FCN1: variants seen among roughly 807,000 people sequenced by gnomAD.
The protein encoded by FCN1 is ficolin 1, also known as ficolin-1.
FCN1 carries 42 observed loss-of-function variants against 35.6 expected under a neutral mutation model. That is an observed-to-expected ratio of 1.18 (90% CI 0.92 to 1.53). FCN1 has a LOEUF of 1.53. Ranked by LOEUF, FCN1 falls within the 40% of genes most tolerant of loss-of-function variation. The probability of loss-of-function intolerance (pLI) is 0.00; values close to 1 mark genes in which losing one functional copy is unlikely to be tolerated. For synonymous variants in FCN1, 179 were observed against 169.8 expected (o/e 1.05, Z -0.42); for missense variants, 439 against 428.4 (o/e 1.02, Z -0.22).
rs1410509007 is a variant in FCN1 at position 134,906,515 on chromosome 9, T to C, written c.*3283A>G. ...ATGAGAAAACCCTCCTTAGCACTAA[T>C]TAATCTTTAAAAATCTAATAATTTA... On this transcript the variant is annotated 3_prime_UTR_variant, in exon 9 of 9. Transcript: ENST00000371806. 6.6e-6 allele frequency: 1 copy of C among 152,198 alleles called. No individual in the cohort carries two copies. The highest frequency in any genetic ancestry group is 1.5e-5 in the Non-Finnish European group (1 of 68,032). The allele number at this position is 152,198 out of a possible 1,614,324, so 9.4% of individuals were successfully genotyped here. A position where few individuals can be genotyped will look rare whatever the true frequency, so the allele number is the denominator to read the frequency against.
At chr9:134,912,740 G>A (rs1057310177) in intron 6 of FCN1, 125 bp from the exon 7 acceptor site, 17 of 1,320,674 alleles carry the variant, frequency 1.3e-5, no homozygotes, top group African/African-American at 8.7e-5. Flanking sequence ...CCACACGCAC[G>A]CCCATCTGGT....
intron 8 of FCN1, among the ~76,000 whole-genome samples, chr9:134,910,466 C>A (rs943476697): frequency 6.6e-6 from 1 of 152,158 alleles, no homozygotes; most frequent in Non-Finnish European, 1.5e-5. Context: ...GAAGCTCATC[C>A]CTGGCTCCTA....
rs1289905914 is a variant in FCN1 at position 134,914,807 on chromosome 9, C to T, written c.220G>A (p.Glu74Lys). ...GEAGVIGERG[E>K]RGLPGAPGKA... ...CCAGGGGCTCCAGGGAGACCGCGTT[C>T]TCCTGAAAATTCCAAAGACATATCA... The change falls in exon 3 of 9, where the codon GAA becomes AAA. Residue 74 changes from glutamate to lysine, a missense_variant and splice_region_variant. Glu to Lys is a moderately conservative substitution (Grantham distance 56). Coordinates refer to ENST00000371806, the MANE Select transcript of FCN1 (RefSeq NM_002003.5). 1.2e-6 allele frequency: 2 copies of T among 1,611,360 alleles called. No homozygotes were observed. Among genetic ancestry groups the T allele is most frequent in the African/African-American group, 1.3e-5 (1 of 74,910 alleles).
At position 134,904,121 on chromosome 9, in the gene FCN1, T is replaced by A. The variant is rs1265138688; in HGVS notation, c.*5677A>T. Among the ~76,000 whole-genome samples, 1 of 152,190 alleles carries A rather than the reference T, an allele frequency of 6.6e-6. No homozygotes were observed. Among genetic ancestry groups the A allele is most frequent in the Admixed American group, 6.5e-5 (1 of 15,290 alleles). ...ATATTTAAGAGATAATGGCTAGCATTTTTCAAAACTCATGAAAGACATCAA... is the reference window on the plus strand; with the variant it reads ...ATATTTAAGAGATAATGGCTAGCATATTTCAAAACTCATGAAAGACATCAA... On this transcript the variant is annotated 3_prime_UTR_variant, in exon 9 of 9. Transcript: ENST00000371806.
chr9:134,905,919 T>TCTTCTCCTTCTCCTTCTC lies in FCN1; in HGVS notation c.*3878_*3879insGAGAAGGAGAAGGAGAAG. 1 of 71,224 alleles carries TCTTCTCCTTCTCCTTCTC rather than the reference T, an allele frequency of 1.4e-5. No homozygotes were observed. The highest frequency in any genetic ancestry group is 3.1e-4 in the East Asian group (1 of 3,220). The allele number at this position is 71,224 out of a possible 1,614,324, so 4.4% of individuals were successfully genotyped here. A position where few individuals can be genotyped will look rare whatever the true frequency, so the allele number is the denominator to read the frequency against. ...TTCTTCTTCTTCTTCTTCTTCTTCTTCTTCTCCCTCTCCCTCTCCCTCTCC... is the reference window on the plus strand; with the variant it reads ...TTCTTCTTCTTCTTCTTCTTCTTCTTCTTCTCCTTCTCCTTCTCCTTCTCCCTCTCCCTCTCCCTCTCC... On this transcript the variant is annotated 3_prime_UTR_variant, in exon 9 of 9. Transcript: ENST00000371806.
rs567374277 is a variant in FCN1 at position 134,913,102 on chromosome 9, G to A, written c.382C>T (p.Leu128=). 1.6e-4 allele frequency: 260 copies of A among 1,614,012 alleles called. 3 individuals carry two copies. In the South Asian group the frequency reaches 2.8e-3, roughly 17 times the overall value. The change falls in exon 6 of 9, where the codon CTG becomes TTG. Residue 128 remains leucine, a synonymous_variant. Transcript: ENST00000371806. The part of the protein sequence containing the change: ...CKDLLDRGYF[L]SGWHTIYLPD... ...AGGTAGATGGTGTGCCAGCCGCTCA[G>A]GAAATACCCCCGGTCTAGCAGGTCC...
chr9:134,917,718 A>C (rs1230921274), intron 1 of FCN1, 51 bp downstream of exon 1: 4 of 1,182,494 alleles, frequency 3.4e-6, no homozygotes, highest in Non-Finnish European at 3.8e-6. Flanking sequence ...AGTGTCAGTG[A>C]GTGGGGTTGT....
chr9:134,914,610 C>T (rs936887887), intron 3 of FCN1, 146 bp downstream of exon 3: 24 of 860,096 alleles, frequency 2.8e-5, no homozygotes, highest in Admixed American at 1.1e-4. Flanking sequence ...GGTCCCTGTC[C>T]GCCTGCCACT....
At position 134,908,870 on chromosome 9, in the gene FCN1, T is replaced by G; in HGVS notation, c.*928A>C. The G allele has an allele frequency of 4.7e-6, 1 of 211,546 alleles. No individual in the cohort carries two copies. The highest frequency in any genetic ancestry group is 9.7e-6 in the Non-Finnish European group (1 of 103,458). The allele number at this position is 211,546 out of a possible 1,614,324, so 13.1% of individuals were successfully genotyped here. ...TGCGGCAATAGTAGAAAACTAAAGA[T>G]TTGTGTGCCGCACGTTGATTCTGCC... On this transcript the variant is annotated 3_prime_UTR_variant, in exon 9 of 9. Coordinates refer to ENST00000371806, the MANE Select transcript of FCN1 (RefSeq NM_002003.5).
intron 1 of FCN1, among the ~76,000 whole-genome samples, chr9:134,917,561 C>T (rs1173906596): frequency 6.6e-6 from 1 of 152,200 alleles, no homozygotes; most frequent in Non-Finnish European, 1.5e-5. Flanking sequence ...GGCAGACAGA[C>T]CTGGTGACAT....
intron 5 of FCN1, 46 bp downstream of exon 5, chr9:134,913,535 G>A (rs776770144): frequency 6.6e-7 from 1 of 1,521,836 alleles, no homozygotes; most frequent in South Asian, 1.2e-5. Flanking sequence ...TGGCCCCAGG[G>A]GTGGGGGCAA....
intron 6 of FCN1, 137 bp downstream of exon 6, chr9:134,912,879 A>G (rs1431575862): frequency 2.8e-6 from 4 of 1,423,166 alleles, no homozygotes; most frequent in Non-Finnish European, 3.8e-6. Flanking sequence ...ACTTTTACCC[A>G]CGGGTCACTT....
intron 4 of FCN1, 85 bp downstream of exon 4, chr9:134,914,300 G>A (rs1336580658): frequency 4.7e-5 from 55 of 1,177,018 alleles, no homozygotes; most frequent in Middle Eastern, 1.9e-4. Flanking sequence ...GGACGTGGGC[G>A]GTGGGCAGGC....
At chr9:134,917,083 T>C (rs1008057192) in intron 1 of FCN1, among the ~76,000 whole-genome samples, 5 of 152,260 alleles carry the variant, frequency 3.3e-5, no homozygotes, top group Non-Finnish European at 7.3e-5. Context: ...AAGGGCGCTC[T>C]TAGAGACCAT....
chr9:134,905,542 G>C lies in FCN1; in HGVS notation c.*4256C>G, dbSNP rs548360645. Among the ~76,000 whole-genome samples, 113 of 152,128 alleles carry C rather than the reference G, an allele frequency of 7.4e-4. No homozygotes were observed. The highest frequency in any genetic ancestry group is 2.5e-3 in the African/African-American group (103 of 41,476). ...TCTGTCGCCCAGGCTGGAGTGCAGT[G>C]GTGCGATCTCGGCTCACTTCAACCT... On this transcript the variant is annotated 3_prime_UTR_variant, in exon 9 of 9. Coordinates refer to ENST00000371806, the MANE Select transcript of FCN1 (RefSeq NM_002003.5).
chr9:134,911,758 TTC>T (rs1319622834), intron 7 of FCN1, among the ~76,000 whole-genome samples: 1 of 152,152 alleles, frequency 6.6e-6, no homozygotes, highest in Non-Finnish European at 1.5e-5. Flanking sequence ...AGGGATGGCT[TTC>T]TGTTTCTAAA....
intron 8 of FCN1, among the ~76,000 whole-genome samples, chr9:134,910,876 G>A (rs1368531388): frequency 6.6e-6 from 1 of 152,246 alleles, no homozygotes; most frequent in Non-Finnish European, 1.5e-5. Flanking sequence ...CGTCTTCCAG[G>A]TTTCAGCAGT....
rs543920594 is a variant in FCN1, at chr9:134,905,705, T to C, written c.*4093A>G. Among the ~76,000 whole-genome samples, 35 of 151,672 alleles carry C rather than the reference T, an allele frequency of 2.3e-4. No homozygotes were observed. The highest frequency in any genetic ancestry group is 7.8e-4 in the East Asian group (4 of 5,144). ...TTCATCATGTTAGCCAGGATGGTCT[T>C]GATCTCCTGACCTTGTGATCCGCCC... On this transcript the variant is annotated 3_prime_UTR_variant, in exon 9 of 9. Transcript: ENST00000371806.
intron 8 of FCN1, among the ~76,000 whole-genome samples, chr9:134,910,448 C>T (rs1831009446): frequency 6.6e-6 from 1 of 152,176 alleles, no homozygotes; most frequent in Non-Finnish European, 1.5e-5. Context: ...ATCTCAAGCC[C>T]TGAGCCGGAA....
Sources: gnomAD v4.1 joint callset for allele counts (sites outside exome capture counted in the v4.1 genomes callset) on GRCh38, gnomAD v4.1.1 for gene constraint, MANE v1.5 for transcripts, NCBI Gene and HGNC (gene_info 2026-07-23, HGNC 2026-07-21) for gene names.